The following XRN2 variants were observed in gnomAD, a reference collection of about 807,000 sequenced individuals.
XRN2 encodes the protein DHM1-like protein.
A neutral mutation model predicts 138.5 loss-of-function variants in XRN2; 44 were observed. That is an observed-to-expected ratio of 0.32 (90% CI 0.25 to 0.41). The LOEUF (loss-of-function observed/expected upper bound fraction) is 0.41. Among genes scored for constraint, XRN2 ranks in the 10% least tolerant of loss-of-function variants. XRN2 has a pLI of 1.00. For synonymous variants in XRN2, 354 were observed against 369.4 expected (o/e 0.96, Z 0.48); for missense variants, 937 against 1,169.3 (o/e 0.80, Z 2.90).
chr20:21,345,602 T>G (rs1246542946), intron 16 of XRN2, among the ~76,000 whole-genome samples: 1 of 152,226 alleles, frequency 6.6e-6, no homozygotes, highest in Admixed American at 6.5e-5. Flanking sequence ...TCCTTAAATG[T>G]TAAATCTTAG....
intron 27 of XRN2, among the ~76,000 whole-genome samples, chr20:21,372,462 AAT>A (rs1335485010): frequency 5.9e-5 from 9 of 152,204 alleles, no homozygotes; most frequent in African/African-American, 1.9e-4. Flanking sequence ...TAATTTTTAA[AAT>A]ATTTTTAGTG....
intron 24 of XRN2, among the ~76,000 whole-genome samples, chr20:21,361,630 A>G (rs921165826): frequency 1.3e-5 from 2 of 152,160 alleles, no homozygotes; most frequent in African/African-American, 4.8e-5. Flanking sequence ...TTCCCTAGAT[A>G]AGCCTTCCAC....
chr20:21,326,147 A>C (rs773612171), intron 1 of XRN2, 132 bp from the exon 2 acceptor site: 8 of 866,108 alleles, frequency 9.2e-6, no homozygotes, highest in Non-Finnish European at 1.2e-5. Context: ...AAAATAACTT[A>C]TTATAATTTA....
At chr20:21,324,552 T>C (rs1336109573) in intron 1 of XRN2, among the ~76,000 whole-genome samples, 1 of 150,960 alleles carries the variant, frequency 6.6e-6, no homozygotes, top group East Asian at 2.0e-4. Context: ...GCTCTTCCAA[T>C]CTCACTTGCA....
chr20:21,333,877 G>T, intron 11 of XRN2, 40 bp downstream of exon 11: 1 of 1,614,026 alleles, frequency 6.2e-7, no homozygotes, highest in South Asian at 1.1e-5. Context: ...ACTGTTTTAG[G>T]CTTCTTGACT....
Position 21,330,508 on chromosome 20 carries a change from A to G in XRN2, c.455A>G (p.Lys152Arg). 6.2e-7 allele frequency: 1 copy of G among 1,613,886 alleles called. No individual in the cohort carries two copies. The highest frequency in any genetic ancestry group is 8.5e-7 in the Non-Finnish European group (1 of 1,179,958). The stretch of plus-strand genomic sequence containing the variant: ...GGCTTTCTTCCTCCAGAAGAAATAA[A>G]AGAAAGATTTGACAGCAACTGTATT... ...KGGFLPPEEI[K>R]ERFDSNCITP... Residue 152 changes from lysine to arginine, a missense_variant, in exon 5 of 30, where the codon AAA becomes AGA. Coordinates refer to ENST00000377191, the MANE Select transcript of XRN2 (RefSeq NM_012255.5).
intron 20 of XRN2, among the ~76,000 whole-genome samples, chr20:21,352,596 G>T (rs2038523514): frequency 6.6e-6 from 1 of 152,276 alleles, no homozygotes; most frequent in South Asian, 2.1e-4. Context: ...CTCCCAAAGT[G>T]CTGGGATTAT....
intron 1 of XRN2, among the ~76,000 whole-genome samples, chr20:21,310,893 C>T (rs6035840): frequency 0.68 from 102,859 of 151,670 alleles, 35,600 homozygotes; most frequent in South Asian, 0.84. Context: ...TACAGGCGCC[C>T]GCCACCACGC....
At position 21,389,282 on chromosome 20, in the gene XRN2, A is replaced by C; in HGVS notation, c.2797A>C (p.Arg933=). 1.9e-6 allele frequency: 3 copies of C among 1,613,080 alleles called. No individual in the cohort carries two copies. The highest frequency in any genetic ancestry group is 2.5e-6 in the Non-Finnish European group (3 of 1,179,548). ...DDRGGRQGYP[R]EGRKYPLPPP... is the part of the protein sequence containing the mutation. ...TTTTGTTTATTTTCAGGGATATCCCAGAGAAGGAAGGAAATACCCTTTGCC... is the reference window on the plus strand; with the variant it reads ...TTTTGTTTATTTTCAGGGATATCCCCGAGAAGGAAGGAAATACCCTTTGCC... The change falls in exon 30 of 30, where the codon AGA becomes CGA. Residue 933 remains arginine (R), a synonymous_variant. Transcript: ENST00000377191.
intron 20 of XRN2, among the ~76,000 whole-genome samples, chr20:21,351,627 G>A (rs117556462): frequency 1.7e-3 from 266 of 152,134 alleles, no homozygotes; most frequent in Non-Finnish European, 3.4e-3. Flanking sequence ...GTTGTTTCCT[G>A]TGCTTTTGGT....
intron 16 of XRN2, among the ~76,000 whole-genome samples, chr20:21,346,207 G>T (rs1401588560): frequency 6.6e-6 from 1 of 152,188 alleles, no homozygotes; most frequent in African/African-American, 2.4e-5. Context: ...AGTGATTGGG[G>T]TGTGTTTAAC....
At chr20:21,360,447 T>G (rs1404917213) in intron 24 of XRN2, among the ~76,000 whole-genome samples, 2 of 151,306 alleles carry the variant, frequency 1.3e-5, no homozygotes, top group Non-Finnish European at 3.0e-5. Flanking sequence ...AGCAGTAGTG[T>G]TGTTAGGTTG....
intron 14 of XRN2, 89 bp from the exon 15 acceptor site, chr20:21,340,632 G>T: frequency 6.9e-7 from 1 of 1,454,466 alleles, no homozygotes; most frequent in Non-Finnish European, 9.4e-7. Context: ...TTACAGTTTG[G>T]ACTTTATTCC....
At chr20:21,306,041 A>G (rs1209077239) in intron 1 of XRN2, among the ~76,000 whole-genome samples, 2 of 74,564 alleles carry the variant, frequency 2.7e-5, no homozygotes, top group African/African-American at 7.3e-5. Context: ...GCTGTGTGGG[A>G]TGTGAGATTT....
intron 20 of XRN2, among the ~76,000 whole-genome samples, chr20:21,352,531 A>G (rs1057256599): frequency 1.3e-4 from 20 of 152,002 alleles, no homozygotes; most frequent in African/African-American, 4.1e-4. Flanking sequence ...GGATTTCACC[A>G]TGTTGGCCAG....
intron 26 of XRN2, among the ~76,000 whole-genome samples, chr20:21,367,531 T>A (rs2038717363): frequency 6.6e-6 from 1 of 151,892 alleles, no homozygotes; most frequent in Non-Finnish European, 1.5e-5. Context: ...TTTTTTTTTT[T>A]AACCACTTAA....
chr20:21,324,863 A>T (rs1441034423), intron 1 of XRN2, among the ~76,000 whole-genome samples: 2 of 152,218 alleles, frequency 1.3e-5, no homozygotes, highest in African/African-American at 4.8e-5. Context: ...TGACCTGCTG[A>T]AAGTGTATGA....
chr20:21,333,302 C>T (rs1221715320), intron 9 of XRN2, among the ~76,000 whole-genome samples: 4 of 152,094 alleles, frequency 2.6e-5, no homozygotes, highest in Admixed American at 2.6e-4. Flanking sequence ...ATATATGTCC[C>T]CCAGTAGCCA....
At chr20:21,312,325 C>T (rs987682070) in intron 1 of XRN2, among the ~76,000 whole-genome samples, 1 of 151,988 alleles carries the variant, frequency 6.6e-6, no homozygotes, top group Non-Finnish European at 1.5e-5. Context: ...AGGGTTTCAC[C>T]GTGTTAGCCA....
Sources: allele counts gnomAD v4.1 joint callset (sites outside exome capture counted in the v4.1 genomes callset), GRCh38; gene constraint gnomAD v4.1.1; transcripts MANE v1.5; gene names NCBI Gene and HGNC (gene_info 2026-07-23, HGNC 2026-07-21).